Variants in CRACR2B observed in about 807,000 individuals in gnomAD.
CRACR2B encodes the protein calcium release activated channel regulator 2B.
A neutral mutation model predicts 46.0 loss-of-function variants in CRACR2B; 50 were observed. That is an observed-to-expected ratio of 1.09 (90% CI 0.87 to 1.38). The LOEUF (loss-of-function observed/expected upper bound fraction) is 1.38. Among genes scored for constraint, CRACR2B ranks in the 40% most tolerant of loss-of-function variants. The pLI, the probability that CRACR2B is intolerant of heterozygous loss-of-function variation, is 0.00. For synonymous variants in CRACR2B, 277 were observed against 239.6 expected (o/e 1.16, Z -1.44); for missense variants, 667 against 535.0 (o/e 1.25, Z -2.43).
Position 829,358 on chromosome 11 carries a change from A to T in CRACR2B, c.278-2A>T, listed in dbSNP as rs1426812677. ...TGGTAATCGCTCGCTCCATGCCCGCAGGGATGTTTGTGGGGGTGGCGTCAG... is the reference window on the plus strand; with the variant it reads ...TGGTAATCGCTCGCTCCATGCCCGCTGGGATGTTTGTGGGGGTGGCGTCAG... On this transcript the variant is annotated splice_acceptor_variant, in intron 2 of 8. Transcript: ENST00000525077. LOFTEE classifies it high-confidence loss of function. 1.2e-6 allele frequency: 2 copies of T among 1,604,066 alleles called. No homozygotes were observed. The highest frequency in any genetic ancestry group is 2.2e-5 in the South Asian group (2 of 89,632).
rs1846191686 is a variant in CRACR2B, at chr11:829,386, CAGGGAGCGAACCCCTGCAGGACTCCCG to C, written c.308_334del (p.Gly103_Glu111del). The C allele has an allele frequency of 1.9e-6, 3 of 1,609,816 alleles. No homozygotes were observed. Among genetic ancestry groups the C allele is most frequent in the Non-Finnish European group, 2.5e-6 (3 of 1,179,000 alleles). ...GATGTTTGTGGGGGTGGCGTCAGCC[CAGGGAGCGAACCCCTGCAGGACTCCCG>C]AGGAGACCTTTGAGTCGGGCGGGCT... On this transcript the variant is annotated inframe_deletion, in exon 3 of 9. Transcript: ENST00000525077.
At position 830,336 on chromosome 11, in the gene CRACR2B, A is replaced by G; in HGVS notation, c.692A>G (p.Gln231Arg). 1 of 1,535,292 alleles carries G rather than the reference A, an allele frequency of 6.5e-7. No homozygotes were observed. Among genetic ancestry groups the G allele is most frequent in the Non-Finnish European group, 8.7e-7 (1 of 1,145,060 alleles). Residue 231 changes from glutamine to arginine, a missense_variant and splice_region_variant, in exon 5 of 9, where the codon CAG becomes CGG. Coordinates refer to ENST00000525077, the MANE Select transcript of CRACR2B (RefSeq NM_001286606.2). Reference protein sequence around the residue: ...LREQSRRPPSQNFARGERRSR... With the variant: ...LREQSRRPPSRNFARGERRSR... The stretch of plus-strand genomic sequence containing the variant: ...GAGCAGAGCCGGCGCCCGCCGAGTC[A>G]GGTGGGCCTCGGGCCCCGCCCCTCC...
At position 829,379 on chromosome 11, in the gene CRACR2B, G is replaced by T; in HGVS notation, c.297G>T (p.Ala99=). 6.2e-7 allele frequency: 1 copy of T among 1,607,750 alleles called. No individual in the cohort carries two copies. ...CCGCAGGGATGTTTGTGGGGGTGGCGTCAGCCCAGGGAGCGAACCCCTGCA... is the reference window on the plus strand; with the variant it reads ...CCGCAGGGATGTTTGTGGGGGTGGCTTCAGCCCAGGGAGCGAACCCCTGCA... The part of the protein sequence containing the change: ...CLGLGMFVGV[A]SAQGANPCRT... The change falls in exon 3 of 9, where the codon GCG becomes GCT. Residue 99 remains alanine (A), a synonymous_variant. Transcript: ENST00000525077.
chr11:828,840 T>C lies in CRACR2B; in HGVS notation c.166-12T>C, dbSNP rs748435879. 5 of 1,611,118 alleles carry C rather than the reference T, an allele frequency of 3.1e-6. No individual in the cohort carries two copies. Among genetic ancestry groups the C allele is most frequent in the Non-Finnish European group, 4.2e-6 (5 of 1,179,482 alleles). On this transcript the variant is annotated splice_polypyrimidine_tract_variant and intron_variant, in intron 1 of 8. Transcript: ENST00000525077. Reference sequence around the variant, plus strand: ...CCGCAGCGGCTCATCTCTGCTCTCCTTCCCCGACCAGGGTCTCCAGAGCGA... The same window carrying C: ...CCGCAGCGGCTCATCTCTGCTCTCCCTCCCCGACCAGGGTCTCCAGAGCGA...
intron 5 of CRACR2B, 39 bp downstream of exon 5, chr11:830,376 C>T: frequency 6.5e-7 from 1 of 1,536,672 alleles, no homozygotes; most frequent in Non-Finnish European, 8.7e-7. Context: ...AGGCCCAATC[C>T]CACCTCGCTG....
chr11:829,780 T>A, intron 3 of CRACR2B: 1 of 1,113,582 alleles, frequency 9.0e-7, no homozygotes, highest in Non-Finnish European at 1.2e-6. Flanking sequence ...CGGGGCCACA[T>A]ACCGGCACTG....
At chr11:829,036 G>A (rs193283316) in intron 2 of CRACR2B, 73 bp downstream of exon 2, 619 of 1,561,354 alleles carry the variant, frequency 4.0e-4, no homozygotes, top group Non-Finnish European at 4.8e-4. Context: ...CACTTGTGGC[G>A]CCCTGAGGGC....
rs1169780168 is a variant in CRACR2B at position 831,303 on chromosome 11, C to G, written c.1025+8C>G. On this transcript the variant is annotated splice_region_variant and intron_variant, in intron 8 of 8. Transcript: ENST00000525077. ...GCAACTGGAGCTGCTCAGGTACGGT[C>G]AGGCTCAGGCCCGAGAGGGAATGGG... The G allele has an allele frequency of 1.2e-6, 2 of 1,603,304 alleles. No homozygotes were observed. The highest frequency in any genetic ancestry group is 8.5e-7 in the Non-Finnish European group (1 of 1,177,234).
chr11:826,161 T>C (rs533683449), upstream of CRACR2B: 1 of 152,382 alleles, frequency 6.6e-6, no homozygotes, highest in African/African-American at 2.4e-5. Flanking sequence ...CCCAGCCTTT[T>C]GTGGTTCAGC....
chr11:828,331 G>A lies in CRACR2B; in HGVS notation c.-277G>A, dbSNP rs1565097864. The A allele has an allele frequency of 2.3e-6, 1 of 428,680 alleles. No individual in the cohort carries two copies. The highest frequency in any genetic ancestry group is 4.1e-6 in the Non-Finnish European group (1 of 242,158). 26.6% of individuals were successfully genotyped at this position (428,680 alleles called of 1,614,324 possible). On this transcript the variant is annotated 5_prime_UTR_variant, in exon 1 of 9. Transcript: ENST00000525077. ...TCTCCTGAAGTTGGCAGCCCCTCCT[G>A]GGTTCCAGCCTCCTGAGATGCCAGA...
rs750816074 is a variant in CRACR2B at position 828,788 on chromosome 11, CAA to C, written c.165+17_165+18del. On this transcript the variant is annotated intron_variant, in intron 1 of 8. Coordinates refer to ENST00000525077, the MANE Select transcript of CRACR2B (RefSeq NM_001286606.2). ...CGACCTGCAGGTGAGTCCCCCACCCCAAGAGACTGCTTCGGCCCTGGGTTGAC... is the reference window on the plus strand; with the variant it reads ...CGACCTGCAGGTGAGTCCCCCACCCCGAGACTGCTTCGGCCCTGGGTTGAC... 6.2e-7 allele frequency: 1 copy of C among 1,612,594 alleles called. No homozygotes were observed. The highest frequency in any genetic ancestry group is 1.3e-5 in the African/African-American group (1 of 74,902).
chr11:828,388 C>T lies in CRACR2B; in HGVS notation c.-220C>T. ...GGGGCAGTACCCACAGGCCCTGAGC[C>T]TACATCAACCACCCCAGTGACACCC... On this transcript the variant is annotated 5_prime_UTR_variant, in exon 1 of 9. Transcript: ENST00000525077. 1.8e-6 allele frequency: 1 copy of T among 562,292 alleles called. No homozygotes were observed. Among genetic ancestry groups the T allele is most frequent in the Non-Finnish European group, 3.0e-6 (1 of 328,066 alleles). 34.8% of individuals were successfully genotyped at this position (562,292 alleles called of 1,614,324 possible).
rs747160077 is a variant in CRACR2B, at chr11:831,237, G to C, written c.967G>C (p.Val323Leu). ...TCCCATCCACAGAGACGTGGTCGCC[G>C]TCTCCAGGAACATGCAGAAAGAGAA... Reference protein sequence around the residue: ...QEQTQRDVVAVSRNMQKEKVS... With the variant: ...QEQTQRDVVALSRNMQKEKVS... The change falls in exon 8 of 9, where the codon GTC (valine) becomes CTC (leucine). Residue 323 changes from valine (V) to leucine (L), a missense_variant. Physicochemically the swap from Val to Leu is conservative, Grantham distance 32. Coordinates refer to ENST00000525077, the MANE Select transcript of CRACR2B (RefSeq NM_001286606.2). 4 of 1,610,290 alleles carry C rather than the reference G, an allele frequency of 2.5e-6. No homozygotes were observed. In the East Asian group the frequency reaches 6.7e-5, roughly 27 times the overall value.
At chr11:829,637 G>T in intron 3 of CRACR2B, 97 bp downstream of exon 3, 1 of 1,325,776 alleles carries the variant, frequency 7.5e-7, no homozygotes. Flanking sequence ...TCTGCACAGG[G>T]TCTCTAGGCC....
rs74888133 is a variant in CRACR2B at position 829,875 on chromosome 11, G to A, written c.459-111G>A. 3,809 of 1,441,840 alleles carry A rather than the reference G, an allele frequency of 2.6e-3. 171 individuals carry two copies. In the East Asian group the frequency reaches 0.084, roughly 32 times the overall value. The allele number at this position is 1,441,840 out of a possible 1,614,324, so 89.3% of individuals were successfully genotyped here. ...GAGGGATGCCCTGCACGCAGCAAGTGCTCCTGTCCTGCCCAGGGGCGAAGA... is the reference window on the plus strand; with the variant it reads ...GAGGGATGCCCTGCACGCAGCAAGTACTCCTGTCCTGCCCAGGGGCGAAGA... On this transcript the variant is annotated intron_variant, in intron 3 of 8. Coordinates refer to ENST00000525077, the MANE Select transcript of CRACR2B (RefSeq NM_001286606.2).
At position 831,007 on chromosome 11, in the gene CRACR2B, C is replaced by T; in HGVS notation, c.928C>T (p.Arg310Ter). The change falls in exon 7 of 9, where the codon CGA becomes TGA. Residue 310 changes from arginine to a stop codon, truncating the protein, a stop_gained. Transcript: ENST00000525077. LOFTEE classifies it high-confidence loss of function. ...GATCCGCAGGCTGGAGAGCGAAGCA[C>T]GAGGCCGCCAGGAGCAAACCCAACG... ...EQIRRLESEA[R>*]GRQEQTQRDV... 5 of 1,533,958 alleles carry T rather than the reference C, an allele frequency of 3.3e-6. No homozygotes were observed. The highest frequency in any genetic ancestry group is 3.5e-6 in the Non-Finnish European group (4 of 1,146,616).
Position 828,686 on chromosome 11 carries a change from C to T in CRACR2B, c.79C>T (p.Arg27Trp), listed in dbSNP as rs553411358. 2.2e-4 allele frequency: 349 copies of T among 1,611,362 alleles called. No individual in the cohort carries two copies. Among genetic ancestry groups the T allele is most frequent in the Non-Finnish European group, 2.7e-4 (324 of 1,179,292 alleles). Residue 27 changes from arginine (R) to tryptophan (W), a missense_variant, in exon 1 of 9, where the codon CGG becomes TGG. By Grantham distance (101) the Arg-to-Trp change is moderately radical. Transcript: ENST00000525077. The stretch of plus-strand genomic sequence containing the variant: ...ACTCGAGGGGGGCTCTGCAGGGCCG[C>T]GGGCTGCAATACTGGAGCAGGCTGA... ...GELEGGSAGPRAAILEQAEEL... is the reference protein window; with the variant it reads ...GELEGGSAGPWAAILEQAEEL...
In CRACR2B at chr11:830,648, C is replaced by A; in HGVS notation, c.721C>A (p.Arg241Ser). 3.9e-6 allele frequency: 6 copies of A among 1,548,688 alleles called. No individual in the cohort carries two copies. Among genetic ancestry groups the A allele is most frequent in the Non-Finnish European group, 5.2e-6 (6 of 1,146,588 alleles). ...CTTCGCCCGCGGGGAGCGGAGAAGCCGTCTGGAGCTGGAGCTGCAGAGCCG... is the reference window on the plus strand; with the variant it reads ...CTTCGCCCGCGGGGAGCGGAGAAGCAGTCTGGAGCTGGAGCTGCAGAGCCG... ...QNFARGERRS[R>S]LELELQSREQ... The change falls in exon 6 of 9, where the codon CGT (arginine) becomes AGT (serine). Residue 241 changes from arginine (R) to serine (S), a missense_variant. Physicochemically the swap from Arg to Ser is moderately radical, Grantham distance 110 (BLOSUM62 -1). Coordinates refer to ENST00000525077, the MANE Select transcript of CRACR2B (RefSeq NM_001286606.2).
At chr11:829,886 G>A (rs1846248881) in intron 3 of CRACR2B, 100 bp from the exon 4 acceptor site, 2 of 1,464,968 alleles carry the variant, frequency 1.4e-6, no homozygotes, top group Admixed American at 4.8e-5. Flanking sequence ...CTCCTGTCCT[G>A]CCCAGGGGCG....
Sources: gnomAD v4.1 joint callset for allele counts on GRCh38, gnomAD v4.1.1 for gene constraint, MANE v1.5 for transcripts, NCBI Gene and HGNC (gene_info 2026-07-23, HGNC 2026-07-21) for gene names.